LRP1B: variants seen among roughly 807,000 people sequenced by gnomAD.
LRP1B encodes low-density lipoprotein receptor-related protein 1B.
A neutral mutation model predicts 556.6 loss-of-function variants in LRP1B; 217 were observed. The observed-to-expected ratio is 0.39, with a 90% CI of 0.35 to 0.44. The LOEUF is 0.44. Ranked by LOEUF, LRP1B falls within the 20% of genes least tolerant of loss-of-function variation. LRP1B has a pLI of 1.00. For synonymous variants in LRP1B, 2,047 were observed against 1,865.8 expected (o/e 1.10, Z -2.50); for missense variants, 5,053 against 5,620.8 (o/e 0.90, Z 3.23).
At chr2:140,301,001 CTT>C (rs769981340) in intron 83 of LRP1B, among the ~76,000 whole-genome samples, 9 of 152,094 alleles carry the variant, frequency 5.9e-5, no homozygotes, top group East Asian at 1.9e-4. Context: ...CATTCTGAAA[CTT>C]TTATTAAATT....
intron 6 of LRP1B, among the ~76,000 whole-genome samples, chr2:141,219,239 G>A (rs1682937945): frequency 6.6e-6 from 1 of 152,178 alleles, no homozygotes; most frequent in African/African-American, 2.4e-5. Flanking sequence ...CACTGAGGCT[G>A]TCATCAGCCA....
chr2:140,987,529 A>G (rs971185362), intron 17 of LRP1B, among the ~76,000 whole-genome samples: 7 of 152,190 alleles, frequency 4.6e-5, no homozygotes, highest in African/African-American at 1.7e-4. Context: ...GCTTCTTTAA[A>G]AACCATGTAG....
chr2:141,074,569 G>GTCTCTCTC (rs368177753), intron 7 of LRP1B, among the ~76,000 whole-genome samples: 11,393 of 136,042 alleles, frequency 0.084, 554 homozygotes, highest in Middle Eastern at 0.14. Flanking sequence ...CTGTCTCTCT[G>GTCTCTCTC]TCTCTCTCTC....
At chr2:141,630,367 T>A (rs1688863609) in intron 2 of LRP1B, among the ~76,000 whole-genome samples, 1 of 152,144 alleles carries the variant, frequency 6.6e-6, no homozygotes, top group African/African-American at 2.4e-5. Flanking sequence ...AAAATCAAAC[T>A]CCCAGACAAA....
At chr2:142,028,211 G>A (rs901095774) in intron 1 of LRP1B, among the ~76,000 whole-genome samples, 6 of 151,850 alleles carry the variant, frequency 4.0e-5, no homozygotes, top group Non-Finnish European at 5.9e-5. Flanking sequence ...TAGAATAAAC[G>A]CTCCCTTTTT....
At chr2:140,325,696 AT>A in intron 80 of LRP1B, 65 bp downstream of exon 80, 1 of 1,068,936 alleles carries the variant, frequency 9.4e-7, no homozygotes, top group Non-Finnish European at 1.4e-6. Context: ...CCATACTTAC[AT>A]TTTTGTATTA....
intron 1 of LRP1B, among the ~76,000 whole-genome samples, chr2:142,017,275 T>A (rs1231066318): frequency 6.6e-6 from 1 of 152,206 alleles, no homozygotes; most frequent in African/African-American, 2.4e-5. Context: ...GCAAGGTATT[T>A]TCCCTTTACT....
intron 7 of LRP1B, among the ~76,000 whole-genome samples, chr2:141,125,844 C>CAAAAAAAAAAAA (rs386391362): frequency 7.6e-4 from 78 of 102,004 alleles, no homozygotes; most frequent in African/African-American, 1.6e-3. Context: ...CTTTCAAATG[C>CAAAAAAAAAAAA]AAAAAAAAAA....
At chr2:140,879,904 C>G (rs560372234) in intron 25 of LRP1B, among the ~76,000 whole-genome samples, 1 of 150,768 alleles carries the variant, frequency 6.6e-6, no homozygotes, top group South Asian at 2.1e-4. Flanking sequence ...AGGCTGTTAT[C>G]ACCTATCAGA....
At chr2:141,854,847 T>G (rs1444507085) in intron 1 of LRP1B, among the ~76,000 whole-genome samples, 1 of 152,106 alleles carries the variant, frequency 6.6e-6, no homozygotes, top group Non-Finnish European at 1.5e-5. Context: ...TTATTTTCTT[T>G]ATTCTGATAT....
intron 7 of LRP1B, among the ~76,000 whole-genome samples, chr2:141,086,395 C>T (rs1486705763): frequency 1.3e-5 from 2 of 152,122 alleles, no homozygotes; most frequent in Non-Finnish European, 2.9e-5. Context: ...TTCACTTCTA[C>T]TCAATGAGTC....
At chr2:140,302,805 C>G (rs1403515050) in intron 83 of LRP1B, among the ~76,000 whole-genome samples, 1 of 151,914 alleles carries the variant, frequency 6.6e-6, no homozygotes, top group African/African-American at 2.4e-5. Context: ...AAGACTTACA[C>G]CTGAATTGCT....
At chr2:140,378,663 G>A (rs1321548439) in intron 67 of LRP1B, among the ~76,000 whole-genome samples, 1 of 152,090 alleles carries the variant, frequency 6.6e-6, no homozygotes, top group Non-Finnish European at 1.5e-5. Context: ...ATGACATTTT[G>A]TGACTCTCTG....
At chr2:141,862,875 T>C (rs1285607158) in intron 1 of LRP1B, among the ~76,000 whole-genome samples, 1 of 152,172 alleles carries the variant, frequency 6.6e-6, no homozygotes, top group East Asian at 1.9e-4. Flanking sequence ...CAGGGCAAAG[T>C]TGGAGAAACA....
At chr2:141,298,493 A>G (rs1686269075) in intron 3 of LRP1B, among the ~76,000 whole-genome samples, 1 of 152,180 alleles carries the variant, frequency 6.6e-6, no homozygotes, top group African/African-American at 2.4e-5. Flanking sequence ...TCATAAGCTC[A>G]GGCGAGCTTC....
chr2:140,532,405 G>A, intron 47 of LRP1B, among the ~76,000 whole-genome samples: 1 of 151,340 alleles, frequency 6.6e-6, no homozygotes, highest in East Asian at 1.9e-4. Context: ...TGGTTTTTTT[G>A]GGGGGTGGGG....
chr2:140,866,761 G>A (rs1692964882), intron 27 of LRP1B, among the ~76,000 whole-genome samples: 2 of 152,006 alleles, frequency 1.3e-5, no homozygotes, highest in African/African-American at 4.8e-5. Flanking sequence ...AACCAGAGAG[G>A]TAATTGGTTT....
Position 140,992,123 on chromosome 2 carries a change from T to C in LRP1B, c.2644+1872A>G, listed in dbSNP as rs938049071. On this transcript the variant is annotated intron_variant, in intron 16 of 90. Transcript: ENST00000389484. ...GTCAATCTAAGGTGAAGGCCTAATT[T>C]AGCCAATGAAAATTGACAGGAAGTA... 2.0e-5 allele frequency among the ~76,000 whole-genome samples: 3 copies of C among 151,970 alleles called. No homozygotes were observed. The East Asian group carries it at 5.8e-4, about 29-fold the overall frequency.
intron 2 of LRP1B, among the ~76,000 whole-genome samples, chr2:141,544,329 T>TTCTTCTTCTTCTTC (rs1685422539): frequency 3.2e-5 from 1 of 31,732 alleles, no homozygotes; most frequent in African/African-American, 8.6e-5. Context: ...CTTCTTCTTC[T>TTCTTCTTCTTCTTC]TCTTCTTCTT....
Sources: allele counts gnomAD v4.1 joint callset (sites outside exome capture counted in the v4.1 genomes callset), GRCh38; gene constraint gnomAD v4.1.1; transcripts MANE v1.5; gene names NCBI Gene and HGNC (gene_info 2026-07-23, HGNC 2026-07-21).